PXDN: variants seen among roughly 807,000 people sequenced by gnomAD.
The protein encoded by PXDN is peroxidasin, also known as peroxidasin homolog.
PXDN carries 77 observed loss-of-function variants against 140.3 expected under a neutral mutation model. The observed-to-expected ratio is 0.55, with a 90% confidence interval of 0.46 to 0.66. The LOEUF is 0.66. Ranked by LOEUF, PXDN falls within the 30% of genes least tolerant of loss-of-function variation. The pLI, the probability that PXDN is intolerant of heterozygous loss-of-function variation, is 0.00. For missense variants in PXDN, 1,838 were observed against 2,039.5 expected, an observed-to-expected ratio of 0.90 and a Z score of 1.90; for synonymous variants, 911 against 857.4, an observed-to-expected ratio of 1.06 and a Z score of -1.09.
chr2:1,741,160 T>G (rs6740357), intron 1 of PXDN, among the ~76,000 whole-genome samples: 28,201 of 151,896 alleles, frequency 0.19, 2,831 homozygotes, highest in East Asian at 0.38. Flanking sequence ...CCTAGCGGCG[T>G]GACCGTGAAG....
At chr2:1,673,384 G>A (rs1683621574) in intron 9 of PXDN, among the ~76,000 whole-genome samples, 1 of 152,056 alleles carries the variant, frequency 6.6e-6, no homozygotes, top group African/African-American at 2.4e-5. Context: ...TCAATGGGCT[G>A]GGCTCACAGC....
chr2:1,744,281 C>T lies in PXDN; in HGVS notation c.175G>A (p.Ala59Thr). ...CMHLLLEAVP[A>T]VAPQTSILDL... ...AGGATGGAGGTCTGCGGCGCCACGGCGGGCACGGCCTCCAGCAGCAGATGC... is the reference window on the plus strand; with the variant it reads ...AGGATGGAGGTCTGCGGCGCCACGGTGGGCACGGCCTCCAGCAGCAGATGC... Residue 59 changes from alanine (A) to threonine (T), a missense_variant, in exon 1 of 23, where the codon GCC (alanine) becomes ACC (threonine). Physicochemically the swap from Ala to Thr is moderately conservative, Grantham distance 58 (BLOSUM62 0). Around this residue, in one of 5 missense-constraint regions of PXDN, gnomAD observed 231 missense variants for 201.5 expected, o/e 1.15. Coordinates refer to ENST00000252804, the MANE Select transcript of PXDN (RefSeq NM_012293.3). The T allele has an allele frequency of 6.6e-7, 1 of 1,519,438 alleles. No homozygotes were observed. The highest frequency in any genetic ancestry group is 2.5e-5 in the East Asian group (1 of 39,246). 94.1% of individuals were successfully genotyped at this position (1,519,438 alleles called of 1,614,324 possible).
chr2:1,655,383 T>TAC (rs200629352), intron 14 of PXDN, among the ~76,000 whole-genome samples: 6 of 146,896 alleles, frequency 4.1e-5, no homozygotes, highest in African/African-American at 1.5e-4. Context: ...CAAATCACAT[T>TAC]ACACACACAC....
At chr2:1,640,110 CGTGTCCCTCCTGGTCCCCGGGTG>C (rs1682688094) in intron 19 of PXDN, among the ~76,000 whole-genome samples, 2 of 140,988 alleles carry the variant, frequency 1.4e-5, no homozygotes, top group African/African-American at 5.3e-5. Flanking sequence ...CCCTCAGTGC[CGTGTCCCTCCTGGTCCCCGGGTG>C]AGTGAGGGGC....
chr2:1,680,267 G>A lies in PXDN; in HGVS notation c.656C>T (p.Ala219Val), dbSNP rs753828363. Residue 219 changes from alanine to valine, a missense_variant, in exon 7 of 23, where the codon GCG becomes GTG. Around this residue, in one of 5 missense-constraint regions of PXDN, gnomAD observed 208 missense variants for 325.8 expected, o/e 0.64. Coordinates refer to ENST00000252804, the MANE Select transcript of PXDN (RefSeq NM_012293.3). ...TYAESGNAQA[A>V]AICEYPRRIQ... is the part of the protein sequence containing the mutation. ...GCGTCTGGGATATTCACAGATGGCC[G>A]CTGCCTGCGCGTTCCCCGACTCCGC... 13 of 1,613,664 alleles carry A rather than the reference G, an allele frequency of 8.1e-6. No homozygotes were observed. Among genetic ancestry groups the A allele is most frequent in the South Asian group, 4.4e-5 (4 of 90,980 alleles).
intron 1 of PXDN, among the ~76,000 whole-genome samples, chr2:1,734,587 G>A (rs1473755140): frequency 6.6e-6 from 1 of 152,102 alleles, no homozygotes; most frequent in East Asian, 1.9e-4. Context: ...GAAGTCAATC[G>A]GCCAGGCATG....
chr2:1,643,240 T>A (rs559968233), intron 19 of PXDN, 128 bp downstream of exon 19: 1 of 1,008,712 alleles, frequency 9.9e-7, no homozygotes, highest in Non-Finnish European at 1.4e-6. Context: ...ACGATTTAAA[T>A]CTAAAGCTGA....
chr2:1,677,435 C>T (rs969708419), intron 7 of PXDN, among the ~76,000 whole-genome samples: 2 of 152,224 alleles, frequency 1.3e-5, no homozygotes, highest in African/African-American at 2.4e-5. Context: ...GTAGCTAAAG[C>T]GTCCCTGAAA....
In PXDN at chr2:1,687,105, A is replaced by G. The variant is rs1182252950; in HGVS notation, c.416+527T>C. On this transcript the variant is annotated intron_variant, in intron 4 of 22. Coordinates refer to ENST00000252804, the MANE Select transcript of PXDN (RefSeq NM_012293.3). This position sits in a 1 kb window ranked among gnomAD's most constrained non-coding sequence, Gnocchi z 4.0. ...TGGCCAAAGAAACTAAGAGCGTTTC[A>G]TGACACACTGCATACACTAACTAGA... Among the ~76,000 whole-genome samples the G allele has an allele frequency of 6.6e-6, 1 of 152,246 alleles. No individual in the cohort carries two copies. Among genetic ancestry groups the G allele is most frequent in the Non-Finnish European group, 1.5e-5 (1 of 68,042 alleles).
At chr2:1,743,704 GA>G in intron 1 of PXDN, among the ~76,000 whole-genome samples, 1 of 30,838 alleles carries the variant, frequency 3.2e-5, no homozygotes, top group Non-Finnish European at 6.3e-5. Context: ...GGAGGAAGGG[GA>G]GGAGGAGGAG....
At chr2:1,654,554 A>G in intron 14 of PXDN, 46 bp from the exon 15 acceptor site, 2 of 1,281,084 alleles carry the variant, frequency 1.6e-6, no homozygotes, top group Non-Finnish European at 2.3e-6. Flanking sequence ...ATACTGCACA[A>G]TTACTCATAA....
Position 1,648,729 on chromosome 2 carries a change from C to G in PXDN, c.3051G>C (p.Glu1017Asp). Reference protein sequence around the residue: ...PHWDGDTIYYETRKIVGAEIQ... With the variant: ...PHWDGDTIYYDTRKIVGAEIQ... Reference sequence around the variant, plus strand: ...TCTCCGCACCCACGATCTTCCTGGTCTCATAGTAGATGGTGTCGCCGTCCC... The same window carrying G: ...TCTCCGCACCCACGATCTTCCTGGTGTCATAGTAGATGGTGTCGCCGTCCC... The change falls in exon 17 of 23, where the codon GAG becomes GAC. Residue 1017 changes from glutamate to aspartate, a missense_variant. Around this residue, in one of 5 missense-constraint regions of PXDN, gnomAD observed 850 missense variants for 894.1 expected, o/e 0.95. Transcript: ENST00000252804. The surrounding 1 kb of genome is among the most constrained non-coding windows in gnomAD (Gnocchi z 8.9). 1 of 1,605,266 alleles carries G rather than the reference C, an allele frequency of 6.2e-7. No individual in the cohort carries two copies. The highest frequency in any genetic ancestry group is 8.5e-7 in the Non-Finnish European group (1 of 1,176,366).
At chr2:1,722,751 T>A (rs1172531407) in intron 1 of PXDN, among the ~76,000 whole-genome samples, 1 of 152,160 alleles carries the variant, frequency 6.6e-6, no homozygotes, top group Non-Finnish European at 1.5e-5. Context: ...TCTTAAAATA[T>A]GGGAGGGGGG....
chr2:1,709,682 G>C (rs1321288741), intron 1 of PXDN, among the ~76,000 whole-genome samples: 1 of 152,212 alleles, frequency 6.6e-6, no homozygotes, highest in African/African-American at 2.4e-5. Flanking sequence ...TCACCCCCAC[G>C]CGGTGGTGTT....
chr2:1,648,019 T>C lies in PXDN; in HGVS notation c.3608+153A>G, dbSNP rs1682892430. Among the ~76,000 whole-genome samples, 1 of 151,986 alleles carries C rather than the reference T, an allele frequency of 6.6e-6. No individual in the cohort carries two copies. The highest frequency in any genetic ancestry group is 2.1e-4 in the South Asian group (1 of 4,812). ...CCACGCAGCCACGGGAGGCTGCAGG[T>C]TCCCATCTTGACCTTCATGGACTTG... On this transcript the variant is annotated intron_variant, in intron 17 of 22. Coordinates refer to ENST00000252804, the MANE Select transcript of PXDN (RefSeq NM_012293.3). This position sits in a 1 kb window ranked among gnomAD's most constrained non-coding sequence, Gnocchi z 8.9.
intron 1 of PXDN, among the ~76,000 whole-genome samples, chr2:1,709,207 G>A (rs1242826895): frequency 1.3e-5 from 2 of 152,186 alleles, no homozygotes; most frequent in African/African-American, 4.8e-5. Flanking sequence ...CCACAGGTGC[G>A]GGGACCACGA....
At position 1,649,490 on chromosome 2, in the gene PXDN, C is replaced by A; in HGVS notation, c.2290G>T (p.Glu764Ter). Residue 764 changes from glutamate (E) to a stop codon, truncating the protein, a stop_gained, in exon 17 of 23, where the codon GAG (glutamate) becomes TAG (stop). Transcript: ENST00000252804. LOFTEE classifies it high-confidence loss of function. The surrounding 1 kb of genome is among the most constrained non-coding windows in gnomAD (Gnocchi z 7.1). ...TCGTACACGGATTTCAGCAGGCGCT[C>A]GAAGGCGGTCAGCGAGGCGCCCCAC... ...PMWGASLTAF[E>*]RLLKSVYENG... The A allele has an allele frequency of 1.2e-6, 2 of 1,613,980 alleles. No individual in the cohort carries two copies. Among genetic ancestry groups the A allele is most frequent in the Non-Finnish European group, 1.7e-6 (2 of 1,179,880 alleles).
intron 1 of PXDN, among the ~76,000 whole-genome samples, chr2:1,741,468 CA>C (rs1340843827): frequency 1.3e-5 from 2 of 152,152 alleles, no homozygotes; most frequent in African/African-American, 4.8e-5. Flanking sequence ...TTCACACTTG[CA>C]GCTGAGGGAG....
chr2:1,712,249 G>C (rs1227712014), intron 1 of PXDN, among the ~76,000 whole-genome samples: 1 of 152,132 alleles, frequency 6.6e-6, no homozygotes, highest in Non-Finnish European at 1.5e-5. Flanking sequence ...ACGATTTTAG[G>C]TTTCTGAGTT....
Sources: gnomAD v4.1 joint callset for allele counts (sites outside exome capture counted in the v4.1 genomes callset) on GRCh38, gnomAD v4.1.1 for gene constraint, gnomAD v4.1.1 regional missense constraint, Gnocchi (gnomAD v3.1) non-coding constraint, MANE v1.5 for transcripts, NCBI Gene and HGNC (gene_info 2026-07-23, HGNC 2026-07-21) for gene names.